The following FREM3 variants were observed in gnomAD, a reference collection of about 807,000 sequenced individuals.
FREM3 encodes FRAS1 related extracellular matrix 3.
In FREM3, 105 loss-of-function variants were observed where a neutral mutation model predicts 129.1. The ratio of observed to expected loss-of-function variants is 0.81; its 90% CI spans 0.69 to 0.96. FREM3 has a LOEUF of 0.96. Ranked by LOEUF, FREM3 falls within the 40% of genes least tolerant of loss-of-function variation. The pLI, the probability that FREM3 is intolerant of heterozygous loss-of-function variation, is 0.00. For missense variants in FREM3, 2,593 were observed against 2,666.3 expected (o/e 0.97, Z 0.61); for synonymous variants, 1,014 against 1,044.9 (o/e 0.97, Z 0.57).
intron 2 of FREM3, among the ~76,000 whole-genome samples, chr4:143,630,874 T>C (rs1006376845): frequency 8.5e-5 from 13 of 152,120 alleles, no homozygotes; most frequent in African/African-American, 3.1e-4. Context: ...TATTCCTTAA[T>C]AAAATTAACC....
At chr4:143,611,255 T>A (rs1386477996) in intron 6 of FREM3, 24 bp downstream of exon 6, 7 of 1,523,632 alleles carry the variant, frequency 4.6e-6, no homozygotes, top group Non-Finnish European at 6.2e-6. Flanking sequence ...TTGCCAAAGG[T>A]TGGAAAGCAA....
chr4:143,688,028 G>T (rs1230210896), intron 2 of FREM3, among the ~76,000 whole-genome samples: 1 of 152,084 alleles, frequency 6.6e-6, no homozygotes, highest in Admixed American at 6.6e-5. Flanking sequence ...TCAGAAAAGA[G>T]GAAGAAATAA....
chr4:143,620,985 T>C (rs1738936721), intron 5 of FREM3, 52 bp downstream of exon 5: 15 of 1,520,698 alleles, frequency 9.9e-6, no homozygotes, highest in Non-Finnish European at 1.3e-5. Context: ...ATTACCACAG[T>C]CTTGTTCTCA....
At chr4:143,579,567 C>T (rs1351470835) in intron 7 of FREM3, among the ~76,000 whole-genome samples, 2 of 152,150 alleles carry the variant, frequency 1.3e-5, no homozygotes, top group African/African-American at 4.8e-5. Context: ...CTTACTTGTA[C>T]TAATTCTTTA....
chr4:143,675,816 G>T (rs993879020), intron 2 of FREM3, among the ~76,000 whole-genome samples: 79 of 152,166 alleles, frequency 5.2e-4, no homozygotes, highest in Admixed American at 1.2e-3. Flanking sequence ...TCCTCCACAC[G>T]TACACCCTCC....
intron 2 of FREM3, 105 bp from the exon 3 acceptor site, chr4:143,627,865 A>G: frequency 1.4e-6 from 1 of 710,996 alleles, no homozygotes; most frequent in Admixed American, 3.1e-5. Flanking sequence ...TTCAAAACAT[A>G]CTCGTTTTAT....
chr4:143,698,502 T>C lies in FREM3; in HGVS notation c.2174A>G (p.Lys725Arg). ...CTGGTCAATGTATCGGAGGAAATTC[T>C]TCTGGAAGTGAGTGAGTTGGTATTC... ...VQEYQLTHFQKNFLRYIDQDS... is the reference protein window; with the variant it reads ...VQEYQLTHFQRNFLRYIDQDS... Residue 725 changes from lysine (K) to arginine (R), a missense_variant, in exon 1 of 8, where the codon AAG becomes AGG. By Grantham distance (26) the Lys-to-Arg change is conservative. Around this residue, in one of 2 missense-constraint regions of FREM3, gnomAD observed 2,276 missense variants for 2,267.2 expected, o/e 1.00. Transcript: ENST00000329798. The C allele has an allele frequency of 6.5e-7, 1 of 1,537,776 alleles. No homozygotes were observed. Among genetic ancestry groups the C allele is most frequent in the East Asian group, 2.4e-5 (1 of 40,920 alleles).
intron 2 of FREM3, chr4:143,644,985 T>A (rs1056933887): frequency 6.6e-6 from 1 of 152,210 alleles, no homozygotes; most frequent in Admixed American, 6.5e-5. Context: ...TCTTTCTATG[T>A]ATTAGTAATG....
rs1358888562 is a variant in FREM3, at chr4:143,620,913, T to C, written c.5779+124A>G. The C allele has an allele frequency of 1.2e-5, 11 of 937,738 alleles. No individual in the cohort carries two copies. In the South Asian group the frequency reaches 1.4e-4, roughly 12 times the overall value. 58.1% of individuals were successfully genotyped at this position (937,738 alleles called of 1,614,324 possible). On this transcript the variant is annotated intron_variant, in intron 5 of 7. Transcript: ENST00000329798. ...GGGGTTCGCAGCAGGGCATGGACAA[T>C]GAGGGGCCCAGGCATCCAGCATCTT...
intron 1 of FREM3, 58 bp downstream of exon 1, chr4:143,695,433 A>T (rs937377706): frequency 1.5e-6 from 2 of 1,376,434 alleles, no homozygotes; most frequent in Non-Finnish European, 1.9e-6. Flanking sequence ...CACAAAGCTG[A>T]GAGATCTGAT....
chr4:143,673,895 C>A (rs945115816), intron 2 of FREM3, among the ~76,000 whole-genome samples: 1 of 152,212 alleles, frequency 6.6e-6, no homozygotes, highest in Non-Finnish European at 1.5e-5. Context: ...CCGAGCCATG[C>A]GCGGGATATA....
chr4:143,690,274 C>A (rs1048193546), intron 2 of FREM3, among the ~76,000 whole-genome samples: 1 of 152,156 alleles, frequency 6.6e-6, no homozygotes, highest in Non-Finnish European at 1.5e-5. Context: ...CTCAAAGATG[C>A]AAGACTACAA....
At chr4:143,621,008 T>C in intron 5 of FREM3, 29 bp downstream of exon 5, 3 of 1,535,670 alleles carry the variant, frequency 2.0e-6, no homozygotes, top group Non-Finnish European at 2.6e-6. Flanking sequence ...ATCTTATTCC[T>C]ATGAACAGGA....
chr4:143,607,219 C>G (rs80189292), intron 6 of FREM3, among the ~76,000 whole-genome samples: 3,509 of 152,206 alleles, frequency 0.023, 132 homozygotes, highest in African/African-American at 0.08. Flanking sequence ...CTATGTCATT[C>G]CTGCACAGTC....
chr4:143,667,471 T>G (rs917051094), intron 2 of FREM3, among the ~76,000 whole-genome samples: 2 of 152,218 alleles, frequency 1.3e-5, no homozygotes, highest in African/African-American at 4.8e-5. Context: ...TTGCCTCAAA[T>G]AATCGTTGAA....
chr4:143,675,048 C>T (rs1740086860), intron 2 of FREM3, among the ~76,000 whole-genome samples: 1 of 152,204 alleles, frequency 6.6e-6, no homozygotes, highest in Non-Finnish European at 1.5e-5. Context: ...ACCTAATAGA[C>T]ATCTACAGAA....
Position 143,696,418 on chromosome 4 carries a change from C to A in FREM3, c.4258G>T (p.Gly1420Cys), listed in dbSNP as rs574224108. 1.3e-5 allele frequency: 20 copies of A among 1,537,368 alleles called. No individual in the cohort carries two copies. The highest frequency in any genetic ancestry group is 1.7e-5 in the Non-Finnish European group (20 of 1,146,958). ...TCAGGGAAGACGCTGTCTAAGTTGC[C>A]AATGGTGACATAGAAGTAGTGGTCT... is the stretch of plus-strand genomic sequence containing the variant. The part of the protein sequence containing the change: ...LTDHYFYVTI[G>C]NLDSVFPEVI... Residue 1420 changes from glycine to cysteine, a missense_variant, in exon 1 of 8, where the codon GGC (glycine) becomes TGC (cysteine). Physicochemically the swap from Gly to Cys is radical, Grantham distance 159. Transcript: ENST00000329798.
chr4:143,675,396 T>G (rs1021511918), intron 2 of FREM3, among the ~76,000 whole-genome samples: 32 of 151,896 alleles, frequency 2.1e-4, no homozygotes, highest in African/African-American at 7.2e-4. Flanking sequence ...AAGCAGTGTG[T>G]AGAGGGAAAT....
intron 6 of FREM3, among the ~76,000 whole-genome samples, chr4:143,605,231 C>T (rs750378319): frequency 2.0e-5 from 3 of 151,788 alleles, no homozygotes; most frequent in African/African-American, 4.8e-5. Context: ...TTCTCAAGTT[C>T]TCTTATGAAC....
Sources: allele counts gnomAD v4.1 joint callset (sites outside exome capture counted in the v4.1 genomes callset), GRCh38; gene constraint gnomAD v4.1.1; regional missense constraint gnomAD v4.1.1; transcripts MANE v1.5; gene names NCBI Gene and HGNC (gene_info 2026-07-23, HGNC 2026-07-21).